The following FASTKD3 variants were observed in gnomAD, a reference collection of about 807,000 sequenced individuals.
FASTKD3 encodes FAST kinase domain-containing protein 3, mitochondrial.
A neutral mutation model predicts 49.7 loss-of-function variants in FASTKD3; 47 were observed. The ratio of observed to expected loss-of-function variants is 0.95; its 90% CI spans 0.75 to 1.21. The LOEUF is 1.21. FASTKD3 is among the 50% of genes most tolerant of loss of function. The probability of loss-of-function intolerance (pLI) is 0.00; values close to 1 mark genes in which losing one functional copy is unlikely to be tolerated. For synonymous variants in FASTKD3, 284 were observed against 288.6 expected (o/e 0.98, Z 0.16); for missense variants, 748 against 765.7 (o/e 0.98, Z 0.27).
At chr5:7,861,304 T>C in intron 5 of FASTKD3, 41 bp from the exon 6 acceptor site, 1 of 1,138,468 alleles carries the variant, frequency 8.8e-7, no homozygotes. Flanking sequence ...ATTTTTTAAA[T>C]AATCCAAAAT....
rs1476246065 is a variant in FASTKD3, at chr5:7,869,013, G to A, written c.-148C>T. On this transcript the variant is annotated 5_prime_UTR_variant, in exon 1 of 7. Coordinates refer to ENST00000264669, the MANE Select transcript of FASTKD3 (RefSeq NM_024091.4). ...CCGGGCAATCACTCCGGGTGGTCGC[G>A]GAAGCGCCTGGGCGTCGTGGGCCTC... is the stretch of plus-strand genomic sequence containing the variant. The A allele has an allele frequency of 8.2e-7, 1 of 1,215,318 alleles. No individual in the cohort carries two copies. Among genetic ancestry groups the A allele is most frequent in the East Asian group, 2.3e-5 (1 of 42,864 alleles). 75.3% of individuals were successfully genotyped at this position (1,215,318 alleles called of 1,614,324 possible).
At position 7,867,341 on chromosome 5, in the gene FASTKD3, A is replaced by G. The variant is rs1747046278; in HGVS notation, c.743T>C (p.Leu248Ser). 6.2e-7 allele frequency: 1 copy of G among 1,614,010 alleles called. No individual in the cohort carries two copies. The highest frequency in any genetic ancestry group is 1.1e-5 in the South Asian group (1 of 91,088). ...AATATCCTCCGGGGTAAATGTTTCC[A>G]ATTTTTCACCTTGAAGTTGATTTAT... is the stretch of plus-strand genomic sequence containing the variant. ...LIINQLQGEK[L>S]ETFTPEDIVA... Residue 248 changes from leucine (L) to serine (S), a missense_variant, in exon 2 of 7, where the codon TTG becomes TCG. Physicochemically the swap from Leu to Ser is moderately radical, Grantham distance 145 (BLOSUM62 -2). Around this residue, in one of 3 missense-constraint regions of FASTKD3, gnomAD observed 564 missense variants for 562.8 expected, o/e 1.00. Coordinates refer to ENST00000264669, the MANE Select transcript of FASTKD3 (RefSeq NM_024091.4).
At chr5:7,860,564 A>C (rs1746465171) in intron 6 of FASTKD3, among the ~76,000 whole-genome samples, 2 of 152,228 alleles carry the variant, frequency 1.3e-5, no homozygotes, top group South Asian at 4.1e-4. Flanking sequence ...TCTGTATTTC[A>C]AAATATAAGT....
In FASTKD3 at chr5:7,861,036, C is replaced by A. The variant is rs1746499656; in HGVS notation, c.1884+113G>T. On this transcript the variant is annotated intron_variant, in intron 6 of 6. Coordinates refer to ENST00000264669, the MANE Select transcript of FASTKD3 (RefSeq NM_024091.4). Reference sequence around the variant, plus strand: ...TCCAGTTCAATAATTGCTGCCTGATCAAATTCTTTAAAATTTTACTGTGCC... The same window carrying A: ...TCCAGTTCAATAATTGCTGCCTGATAAAATTCTTTAAAATTTTACTGTGCC... The A allele has an allele frequency of 2.3e-5, 15 of 649,622 alleles. No individual in the cohort carries two copies. In the South Asian group the frequency reaches 3.2e-4, roughly 14 times the overall value. The allele number at this position is 649,622 out of a possible 1,614,324, so 40.2% of individuals were successfully genotyped here.
rs781519142 is a variant in FASTKD3, at chr5:7,861,583, C to A, written c.1769G>T (p.Arg590Met). The A allele has an allele frequency of 6.3e-7, 1 of 1,582,036 alleles. No individual in the cohort carries two copies. Among genetic ancestry groups the A allele is most frequent in the Non-Finnish European group, 8.6e-7 (1 of 1,163,452 alleles). The change falls in exon 5 of 7, where the codon AGG becomes ATG. Residue 590 changes from arginine to methionine, a missense_variant and splice_region_variant. This residue lies in a region of FASTKD3 where 178 missense variants were observed against 182.2 expected (regional missense o/e 0.98). Coordinates refer to ENST00000264669, the MANE Select transcript of FASTKD3 (RefSeq NM_024091.4). The part of the protein sequence containing the change: ...PSTANEDIHK[R>M]IALCIDGPKR... The stretch of plus-strand genomic sequence containing the variant: ...TGAAAAACACAACATTTTCCTGTAC[C>A]TTTTATGGATATCTTCATTAGCTGT...
In FASTKD3 at chr5:7,867,577, C is replaced by T; in HGVS notation, c.507G>A (p.Glu169=). Residue 169 remains glutamate, a synonymous_variant, in exon 2 of 7, where the codon GAG becomes GAA. Transcript: ENST00000264669. ...AACTAGTGTTTGACAGCTGTGAGGG[C>T]TCCTTTTCAAACTGAAAGCATAAAG... ...FQALCFQFEK[E]PSQLSNTSLV... The T allele has an allele frequency of 6.2e-7, 1 of 1,614,242 alleles. No homozygotes were observed. Among genetic ancestry groups the T allele is most frequent in the Non-Finnish European group, 8.5e-7 (1 of 1,180,052 alleles).
intron 3 of FASTKD3, 37 bp downstream of exon 3, chr5:7,865,861 A>G (rs575020257): frequency 3.4e-6 from 5 of 1,478,236 alleles, no homozygotes; most frequent in Non-Finnish European, 4.7e-6. Flanking sequence ...AACTGCACCC[A>G]TGGGGAAATA....
rs147382123 is a variant in FASTKD3 at position 7,866,962 on chromosome 5, G to A, written c.1122C>T (p.Val374=). 8.1e-5 allele frequency: 131 copies of A among 1,614,144 alleles called. No homozygotes were observed. The African/African-American group carries it at 1.6e-3, about 20-fold the overall frequency. ...TCAGTTCTCTACTGCAGTACTCCAT[G>A]ACCCTGCAGACAACTTCAGGATCCA... ...LTLDPEVVCR[V]MEYCSRELIL... is the part of the protein sequence containing the mutation. Residue 374 remains valine, a synonymous_variant, in exon 2 of 7, where the codon GTC becomes GTT. Coordinates refer to ENST00000264669, the MANE Select transcript of FASTKD3 (RefSeq NM_024091.4).
intron 4 of FASTKD3, 99 bp from the exon 5 acceptor site, chr5:7,861,751 G>A: frequency 6.7e-7 from 1 of 1,501,320 alleles, no homozygotes; most frequent in Non-Finnish European, 8.9e-7. Flanking sequence ...CTTCCACCTT[G>A]CATTGATCAA....
At position 7,864,283 on chromosome 5, in the gene FASTKD3, A is replaced by G. The variant is rs145120657; in HGVS notation, c.1525-1286T>C. 7.3e-4 allele frequency among the ~76,000 whole-genome samples: 111 copies of G among 152,356 alleles called. 2 individuals are homozygous for G. In the East Asian group the frequency reaches 0.019, roughly 25 times the overall value. On this transcript the variant is annotated intron_variant, in intron 3 of 6. Transcript: ENST00000264669. ...AACAACATGAACATAATAAGTATAT[A>G]CAATTTTTGTTAATTAGAATACATA...
chr5:7,866,551 A>G, intron 2 of FASTKD3, 95 bp downstream of exon 2: 1 of 930,846 alleles, frequency 1.1e-6, no homozygotes, highest in East Asian at 2.4e-5. Context: ...TGGAAGAAAA[A>G]CTAAAGGCAA....
chr5:7,866,740 T>C lies in FASTKD3; in HGVS notation c.1344A>G (p.Leu448=), dbSNP rs1561105987. The C allele has an allele frequency of 8.1e-6, 13 of 1,614,052 alleles. No homozygotes were observed. Among genetic ancestry groups the C allele is most frequent in the Non-Finnish European group, 9.3e-6 (11 of 1,179,990 alleles). The part of the protein sequence containing the change: ...THFNYFPPKS[L]LKLLHSCSLN... ...GTGAACATGAATGAAGAAGTTTCAA[T>C]AATGATTTGGGTGGAAAATAATTGA... The change falls in exon 2 of 7, where the codon TTA becomes TTG. Residue 448 remains leucine (L), a synonymous_variant. Transcript: ENST00000264669.
chr5:7,861,537 G>C, intron 5 of FASTKD3, 46 bp downstream of exon 5: 1 of 1,345,366 alleles, frequency 7.4e-7, no homozygotes, highest in Non-Finnish European at 9.9e-7. Context: ...CTGCTTATTA[G>C]CCTCAACGAG....
In FASTKD3 at chr5:7,867,997, A is replaced by T; in HGVS notation, c.87T>A (p.Pro29=). ...HRALAALKNK[P]LNHVHKVVKE... ...TGACTACCTTGTGAACATGATTTAG[A>T]GGTTTATTTTTTAAAGCAGCCAGAG... Residue 29 remains proline, a synonymous_variant, in exon 2 of 7, where the codon CCT becomes CCA. Coordinates refer to ENST00000264669, the MANE Select transcript of FASTKD3 (RefSeq NM_024091.4). 6.2e-7 allele frequency: 1 copy of T among 1,614,146 alleles called. No homozygotes were observed. The highest frequency in any genetic ancestry group is 1.7e-5 in the Admixed American group (1 of 60,026).
In FASTKD3 at chr5:7,861,547, G is replaced by A. The variant is rs377263941; in HGVS notation, c.1769+36C>T. 3.9e-5 allele frequency: 57 copies of A among 1,463,466 alleles called. No individual in the cohort carries two copies. The African/African-American group carries it at 7.7e-4, about 20-fold the overall frequency. 90.7% of individuals were successfully genotyped at this position (1,463,466 alleles called of 1,614,324 possible). On this transcript the variant is annotated intron_variant, in intron 5 of 6. Coordinates refer to ENST00000264669, the MANE Select transcript of FASTKD3 (RefSeq NM_024091.4). ...TACCGCTGCTTATTAGCCTCAACGA[G>A]TCTTGTAATGTGAAAAACACAACAT... is the stretch of plus-strand genomic sequence containing the variant.
Position 7,868,200 on chromosome 5 carries a change from GAAAAAAAAAAAAAAA to G in FASTKD3, c.-113-19_-113-5del, listed in dbSNP as rs34274545. The G allele has an allele frequency of 4.5e-6, 1 of 222,566 alleles. No homozygotes were observed. Among genetic ancestry groups the G allele is most frequent in the Non-Finnish European group, 8.1e-6 (1 of 123,586 alleles). The allele number at this position is 222,566 out of a possible 1,614,324, so 13.8% of individuals were successfully genotyped here. On this transcript the variant is annotated splice_polypyrimidine_tract_variant and splice_region_variant and intron_variant, in intron 1 of 6. Coordinates refer to ENST00000264669, the MANE Select transcript of FASTKD3 (RefSeq NM_024091.4). Reference sequence around the variant, plus strand: ...TTATGAAACTACAAACGAGTATCTGGAAAAAAAAAAAAAAAAAAAAAAAGGATGGTTAACATATAA... The same window carrying G: ...TTATGAAACTACAAACGAGTATCTGGAAAAAAAAGGATGGTTAACATATAA...
chr5:7,867,651 C>T lies in FASTKD3; in HGVS notation c.433G>A (p.Gly145Ser). The T allele has an allele frequency of 6.2e-7, 1 of 1,614,198 alleles. No individual in the cohort carries two copies. The highest frequency in any genetic ancestry group is 1.3e-5 in the African/African-American group (1 of 75,042). ...QRICEVEKKDGDQGLPKEILE... is the reference protein window; with the variant it reads ...QRICEVEKKDSDQGLPKEILE... Reference sequence around the variant, plus strand: ...ATTTCTTTTGGCAGCCCTTGATCACCATCCTTTTTTTCCACTTCACAAATT... The same window carrying T: ...ATTTCTTTTGGCAGCCCTTGATCACTATCCTTTTTTTCCACTTCACAAATT... Residue 145 changes from glycine (G) to serine (S), a missense_variant, in exon 2 of 7, where the codon GGT becomes AGT. Around this residue, in one of 3 missense-constraint regions of FASTKD3, gnomAD observed 564 missense variants for 562.8 expected, o/e 1.00. Coordinates refer to ENST00000264669, the MANE Select transcript of FASTKD3 (RefSeq NM_024091.4).
intron 1 of FASTKD3, 32 bp downstream of exon 1, chr5:7,868,947 C>A (rs1561121914): frequency 9.9e-6 from 7 of 703,974 alleles, no homozygotes; most frequent in Non-Finnish European, 1.8e-5. Context: ...CCAGCCGGAC[C>A]AACTGCGCGG....
chr5:7,865,844 A>T, intron 3 of FASTKD3, 54 bp downstream of exon 3: 3 of 1,366,562 alleles, frequency 2.2e-6, no homozygotes, highest in Non-Finnish European at 3.1e-6. Flanking sequence ...AAAGGAACTT[A>T]AAAGGAAACT....
Sources: gnomAD v4.1 joint callset for allele counts (sites outside exome capture counted in the v4.1 genomes callset) on GRCh38, gnomAD v4.1.1 for gene constraint, gnomAD v4.1.1 regional missense constraint, MANE v1.5 for transcripts, NCBI Gene and HGNC (gene_info 2026-07-23, HGNC 2026-07-21) for gene names.